Variants in ZNF114 observed in about 807,000 individuals in gnomAD.
The protein encoded by ZNF114 is zinc finger protein 114, also known as zinc finger protein 114 (Y18).
Under a neutral mutation model 6.8 loss-of-function variants are expected in ZNF114, and 8 were observed. The observed-to-expected ratio is 1.18, with a 90% CI of 0.69 to 2.13. The LOEUF (loss-of-function observed/expected upper bound fraction) is 2.13. Ranked by LOEUF, ZNF114 falls within the 30% of genes most tolerant of loss-of-function variation. ZNF114 has a pLI of 0.00. For synonymous variants in ZNF114, 169 were observed against 185.5 expected, an observed-to-expected ratio of 0.91 and a Z score of 0.72; for missense variants, 472 against 519.5, an observed-to-expected ratio of 0.91 and a Z score of 0.89.
intron 4 of ZNF114, 35 bp from the exon 5 acceptor site, chr19:48,282,336 C>T (rs757739070): frequency 1.2e-6 from 2 of 1,609,952 alleles, no homozygotes; most frequent in Non-Finnish European, 1.7e-6. Context: ...GATAACAGGA[C>T]ACCCCTCCGA....
chr19:48,286,300 T>C lies in ZNF114; in HGVS notation c.676T>C (p.Phe226Leu), dbSNP rs1265765511. 12 of 1,614,054 alleles carry C rather than the reference T, an allele frequency of 7.4e-6. No individual in the cohort carries two copies. The Admixed American group carries it at 1.8e-4, about 25-fold the overall frequency. The change falls in exon 6 of 6, where the codon TTT (phenylalanine) becomes CTT (leucine). Residue 226 changes from phenylalanine (F) to leucine (L), a missense_variant. Phe to Leu is a conservative substitution (Grantham distance 22). Transcript: ENST00000595607. ...GGCCAACAGGCACCAGCGGAATCCA[T>C]TTGGAAAAGCTTTCCGTGAAGACGG... ...TGANRHQRNP[F>L]GKAFREDGSL...
chr19:48,270,805 G>A (rs984541991), intron 1 of ZNF114, among the ~76,000 whole-genome samples: 39 of 152,022 alleles, frequency 2.6e-4, no homozygotes, highest in Admixed American at 2.4e-3. Context: ...AGGGCCGGGC[G>A]CGGTGGCTCA....
intron 3 of ZNF114, among the ~76,000 whole-genome samples, chr19:48,272,420 A>AT (rs1203462442): frequency 1.5e-5 from 2 of 136,960 alleles, no homozygotes; most frequent in African/African-American, 2.8e-5. Flanking sequence ...TCAAAAAAAA[A>AT]AATAAATAAT....
At position 48,272,673 on chromosome 19, in the gene ZNF114, C is replaced by CAAAAAAAAAA. The variant is rs57823987; in HGVS notation, c.-70+861_-70+870dup. 5.9e-3 allele frequency among the ~76,000 whole-genome samples: 230 copies of CAAAAAAAAAA among 39,218 alleles called. 28 individuals carry two copies. The highest frequency in any genetic ancestry group is 0.013 in the South Asian group (9 of 692). 25.7% of individuals were successfully genotyped at this position (39,218 alleles called of 152,430 possible). On this transcript the variant is annotated intron_variant, in intron 3 of 5. Coordinates refer to ENST00000595607, the MANE Select transcript of ZNF114 (RefSeq NM_153608.4). ...TGGGCGACAGAGCAAGACTCTCTCT[C>CAAAAAAAAAA]AAAAAAAAAAAAAAAAAAAAAAAAA...
intron 5 of ZNF114, among the ~76,000 whole-genome samples, chr19:48,283,534 A>C (rs995340899): frequency 6.6e-6 from 1 of 152,186 alleles, no homozygotes; most frequent in Admixed American, 6.5e-5. Context: ...GCATTTATGC[A>C]TCTCAGTACC....
At chr19:48,283,056 C>T (rs1968033820) in intron 5 of ZNF114, among the ~76,000 whole-genome samples, 1 of 152,118 alleles carries the variant, frequency 6.6e-6, no homozygotes, top group African/African-American at 2.4e-5. Flanking sequence ...CACCCTGTCA[C>T]CCAGGCTGGA....
intron 3 of ZNF114, among the ~76,000 whole-genome samples, chr19:48,278,464 T>G (rs1334934953): frequency 1.3e-5 from 2 of 152,126 alleles, no homozygotes; most frequent in African/African-American, 4.8e-5. Flanking sequence ...TCATACACTG[T>G]GGTCTTTTGT....
chr19:48,271,523 G>C (rs1328112445), intron 2 of ZNF114, 74 bp downstream of exon 2: 2 of 147,872 alleles, frequency 1.4e-5, no homozygotes, highest in African/African-American at 4.9e-5. Context: ...CGGGTCCCGG[G>C]GGCGGGGGGT....
intron 3 of ZNF114, among the ~76,000 whole-genome samples, chr19:48,277,794 G>GGGGGTGTGTGTGTGT (rs1330052475): frequency 1.7e-5 from 2 of 119,338 alleles, no homozygotes; most frequent in African/African-American, 6.6e-5. Context: ...GGAGGCATTG[G>GGGGGTGTGTGTGTGT]GTGTGTGTGT....
In ZNF114 at chr19:48,286,352, G is replaced by A; in HGVS notation, c.728G>A (p.Gly243Asp). ...TCCCTTAGGGCACACAACACTCATG[G>A]TCGAGAGAAAATGTATGATTTTACT... ...DGSLRAHNTH[G>D]REKMYDFTQC... Residue 243 changes from glycine to aspartate, a missense_variant, in exon 6 of 6, where the codon GGT (glycine) becomes GAT (aspartate). Physicochemically the swap from Gly to Asp is moderately conservative, Grantham distance 94. Coordinates refer to ENST00000595607, the MANE Select transcript of ZNF114 (RefSeq NM_153608.4). 1.2e-6 allele frequency: 2 copies of A among 1,614,172 alleles called. No homozygotes were observed. Among genetic ancestry groups the A allele is most frequent in the African/African-American group, 1.3e-5 (1 of 75,028 alleles).
intron 3 of ZNF114, among the ~76,000 whole-genome samples, chr19:48,279,486 G>A (rs1225033852): frequency 9.0e-6 from 1 of 110,644 alleles, no homozygotes; most frequent in Non-Finnish European, 1.9e-5. Flanking sequence ...GTGTGTGTGT[G>A]AGTGTGTGTG....
Position 48,286,244 on chromosome 19 carries a change from T to C in ZNF114, c.620T>C (p.Val207Ala), listed in dbSNP as rs16981956. ...ACATGGACTGGCAGTCAGAACACTG[T>C]GCATCATATACGTGATGAAATTGAT... is the stretch of plus-strand genomic sequence containing the variant. ...SSTWTGSQNT[V>A]HHIRDEIDTG... The change falls in exon 6 of 6, where the codon GTG becomes GCG. Residue 207 changes from valine (V) to alanine (A), a missense_variant. Coordinates refer to ENST00000595607, the MANE Select transcript of ZNF114 (RefSeq NM_153608.4). 5.8e-3 allele frequency: 9,340 copies of C among 1,614,140 alleles called. 373 individuals carry two copies. In the African/African-American group the frequency reaches 0.095, roughly 16 times the overall value.
rs746894698 is a variant in ZNF114 at position 48,286,422 on chromosome 19, G to A, written c.798G>A (p.Gln266=). Reference sequence around the variant, plus strand: ...GAAATAACTCAATTCACGCCATGCAGATGCAGTTGTATACCGCAGAGACAA... The same window carrying A: ...GAAATAACTCAATTCACGCCATGCAAATGCAGTTGTATACCGCAGAGACAA... ...TSRNNSIHAM[Q]MQLYTAETNK... The change falls in exon 6 of 6, where the codon CAG becomes CAA. Residue 266 remains glutamine (Q), a synonymous_variant. Transcript: ENST00000595607. The A allele has an allele frequency of 1.2e-6, 2 of 1,614,206 alleles. No homozygotes were observed. The highest frequency in any genetic ancestry group is 1.7e-6 in the Non-Finnish European group (2 of 1,180,048).
intron 3 of ZNF114, among the ~76,000 whole-genome samples, chr19:48,275,154 AAG>A (rs1446256541): frequency 6.8e-6 from 1 of 147,938 alleles, no homozygotes; most frequent in African/African-American, 2.5e-5. Flanking sequence ...AAAAGAAAGA[AAG>A]AGAGAAAGAG....
At position 48,287,471 on chromosome 19, in the gene ZNF114, TGGG is replaced by T. The variant is rs1318309443; in HGVS notation, c.*596_*598del. 7 of 148,950 alleles carry T rather than the reference TGGG, an allele frequency of 4.7e-5. No individual in the cohort carries two copies. The highest frequency in any genetic ancestry group is 1.7e-4 in the African/African-American group (7 of 40,090). 9.2% of individuals were successfully genotyped at this position (148,950 alleles called of 1,614,324 possible). ...GAGATGGAGCCACTGCACTCCAGCC[TGGG>T]GGAAAGAGCGAGACTCCGTCTCAAA... On this transcript the variant is annotated 3_prime_UTR_variant, in exon 6 of 6. Transcript: ENST00000595607.
chr19:48,286,648 A>C lies in ZNF114; in HGVS notation c.1024A>C (p.Arg342=). Residue 342 remains arginine, a synonymous_variant, in exon 6 of 6, where the codon AGA becomes CGA. Coordinates refer to ENST00000595607, the MANE Select transcript of ZNF114 (RefSeq NM_153608.4). ...YECGKCGKAF[R]YSLHLNKHLR... ...ATGTGGGAAATGTGGGAAAGCCTTTAGATATTCCTTACACCTTAATAAACA... is the reference window on the plus strand; with the variant it reads ...ATGTGGGAAATGTGGGAAAGCCTTTCGATATTCCTTACACCTTAATAAACA... 6.2e-7 allele frequency: 1 copy of C among 1,613,724 alleles called. No homozygotes were observed. Among genetic ancestry groups the C allele is most frequent in the Non-Finnish European group, 8.5e-7 (1 of 1,179,952 alleles).
At chr19:48,279,444 G>T (rs1197199598) in intron 3 of ZNF114, among the ~76,000 whole-genome samples, 2 of 122,906 alleles carry the variant, frequency 1.6e-5, no homozygotes, top group African/African-American at 6.3e-5. Context: ...TGTCTGTGTG[G>T]GGGGCGGGGG....
chr19:48,272,985 C>T (rs948438067), intron 3 of ZNF114, among the ~76,000 whole-genome samples: 7 of 151,886 alleles, frequency 4.6e-5, no homozygotes, highest in African/African-American at 1.5e-4. Flanking sequence ...TTAGTAGAGA[C>T]GGGGTTTCAC....
At chr19:48,279,600 G>A (rs568079831) in intron 3 of ZNF114, 131 bp from the exon 4 acceptor site, 3 of 591,432 alleles carry the variant, frequency 5.1e-6, no homozygotes, top group African/African-American at 4.2e-5. Flanking sequence ...GGGGGTGGGG[G>A]TTGTGGGCTG....
Sources: gnomAD v4.1 joint callset for allele counts (sites outside exome capture counted in the v4.1 genomes callset) on GRCh38, gnomAD v4.1.1 for gene constraint, MANE v1.5 for transcripts, NCBI Gene and HGNC (gene_info 2026-07-23, HGNC 2026-07-21) for gene names.